DLG2: variants seen among roughly 807,000 people sequenced by gnomAD.
The protein encoded by DLG2 is discs large MAGUK scaffold protein 2.
In DLG2, 45 loss-of-function variants were observed where a neutral mutation model predicts 132.5. The ratio of observed to expected loss-of-function variants is 0.34; its 90% CI spans 0.27 to 0.44. DLG2 has a LOEUF of 0.44. Ranked by LOEUF, DLG2 falls within the 20% of genes least tolerant of loss-of-function variation. The pLI is 1.00. For missense variants in DLG2, 1,045 were observed against 1,196.9 expected (o/e 0.87, Z 1.87); for synonymous variants, 424 against 419.6 (o/e 1.01, Z -0.13).
intron 9 of DLG2, among the ~76,000 whole-genome samples, chr11:84,106,178 T>A (rs138832040): frequency 2.0e-3 from 304 of 152,290 alleles, no homozygotes; most frequent in African/African-American, 5.6e-3. Context: ...TGTCCCTTGA[T>A]AGAAAGGTCT....
At chr11:84,747,276 T>C (rs943092686) in intron 6 of DLG2, among the ~76,000 whole-genome samples, 21 of 152,218 alleles carry the variant, frequency 1.4e-4, no homozygotes, top group Admixed American at 3.3e-4. Flanking sequence ...ACTAGAAATA[T>C]TGGCATAACT....
At chr11:83,520,508 T>A (rs1432046994) in intron 21 of DLG2, among the ~76,000 whole-genome samples, 3 of 152,116 alleles carry the variant, frequency 2.0e-5, no homozygotes, top group African/African-American at 7.2e-5. Context: ...TGCTTTCACA[T>A]TAGGTGGCAG....
At chr11:84,764,480 T>C (rs537734903) in intron 6 of DLG2, among the ~76,000 whole-genome samples, 25 of 152,256 alleles carry the variant, frequency 1.6e-4, no homozygotes, top group South Asian at 6.2e-4. Flanking sequence ...AGCACTGTTC[T>C]AAGCACTTTA....
At chr11:84,268,846 G>T (rs749758997) in intron 7 of DLG2, among the ~76,000 whole-genome samples, 6 of 152,096 alleles carry the variant, frequency 3.9e-5, no homozygotes, top group Non-Finnish European at 7.4e-5. Flanking sequence ...CATGTAAAAT[G>T]CTTGGAACAG....
intron 3 of DLG2, chr11:85,452,613 CT>C: frequency 4.9e-6 from 1 of 202,074 alleles, no homozygotes; most frequent in Non-Finnish European, 1.1e-5. Flanking sequence ...ATCAGGCCAT[CT>C]TGGGAGGATG....
chr11:85,139,481 T>G (rs960707777), intron 5 of DLG2, among the ~76,000 whole-genome samples: 3 of 152,112 alleles, frequency 2.0e-5, no homozygotes, highest in Non-Finnish European at 4.4e-5. Flanking sequence ...TTTTTTGGAT[T>G]CAAAATTAAT....
At chr11:85,086,797 A>G (rs546380770) in intron 6 of DLG2, among the ~76,000 whole-genome samples, 1 of 152,360 alleles carries the variant, frequency 6.6e-6, no homozygotes, top group East Asian at 1.9e-4. Context: ...TGACTACGGC[A>G]TATCAATCAT....
chr11:83,930,331 G>A lies in DLG2; in HGVS notation c.1493C>T (p.Thr498Ile), dbSNP rs1452269995. Reference sequence around the variant, plus strand: ...AGTGAGGAAGCGCATGCAGTACCTGGTCATCTCAGAGTCAGGTAGCAGGCC... The same window carrying A: ...AGTGAGGAAGCGCATGCAGTACCTGATCATCTCAGAGTCAGGTAGCAGGCC... ...HLGLLPDSEM[T>I]SHSQHSTATR... Residue 498 changes from threonine to isoleucine, a missense_variant, in exon 15 of 28, where the codon ACC (threonine) becomes ATC (isoleucine). By Grantham distance (89) the Thr-to-Ile change is moderately conservative (BLOSUM62 -1). Coordinates refer to ENST00000376104, the MANE Select transcript of DLG2 (RefSeq NM_001142699.3). 5 of 1,613,734 alleles carry A rather than the reference G, an allele frequency of 3.1e-6. No homozygotes were observed. The East Asian group carries it at 8.9e-5, about 29-fold the overall frequency.
At chr11:83,473,213 C>A (rs9787813) in intron 22 of DLG2, among the ~76,000 whole-genome samples, 29,040 of 152,072 alleles carry the variant, frequency 0.19, 2,946 homozygotes, top group Middle Eastern at 0.21. Flanking sequence ...TGTTCAAAAG[C>A]AAGTATATGC....
At chr11:83,737,799 A>G (rs1477243475) in intron 18 of DLG2, among the ~76,000 whole-genome samples, 1 of 152,222 alleles carries the variant, frequency 6.6e-6, no homozygotes, top group Admixed American at 6.5e-5. Context: ...TAAAAATAGA[A>G]AAAATTAGCT....
chr11:85,234,316 A>G (rs150762737), intron 4 of DLG2, among the ~76,000 whole-genome samples: 23 of 152,114 alleles, frequency 1.5e-4, no homozygotes, highest in African/African-American at 4.8e-4. Flanking sequence ...CCAAATAACC[A>G]CAAAACATAA....
At chr11:84,316,558 A>G (rs2098358191) in intron 7 of DLG2, among the ~76,000 whole-genome samples, 1 of 152,206 alleles carries the variant, frequency 6.6e-6, no homozygotes, top group African/African-American at 2.4e-5. Context: ...CTAAAAGACT[A>G]TGATAAAAAA....
At chr11:84,569,870 C>T (rs2154527559) in intron 6 of DLG2, among the ~76,000 whole-genome samples, 1 of 152,286 alleles carries the variant, frequency 6.6e-6, no homozygotes, top group South Asian at 2.1e-4. Context: ...GACACCTGGG[C>T]TTTGCTGTGA....
chr11:84,349,368 A>G (rs768069382), intron 7 of DLG2, among the ~76,000 whole-genome samples: 2 of 152,130 alleles, frequency 1.3e-5, no homozygotes, highest in Non-Finnish European at 2.9e-5. Context: ...TAGTAACCAG[A>G]TGAAGTTCTG....
intron 19 of DLG2, among the ~76,000 whole-genome samples, chr11:83,604,100 G>A (rs971816874): frequency 9.2e-5 from 14 of 152,268 alleles, no homozygotes; most frequent in African/African-American, 3.1e-4. Flanking sequence ...CTTGCAGAAA[G>A]TGCTGAAAAG....
intron 16 of DLG2, among the ~76,000 whole-genome samples, chr11:83,867,655 G>GTTC (rs1170049773): frequency 8.5e-5 from 13 of 152,174 alleles, no homozygotes; most frequent in African/African-American, 3.1e-4. Flanking sequence ...TTCCACGTTT[G>GTTC]GAAACTTCTG....
chr11:84,543,407 C>T (rs2099382931), intron 6 of DLG2, among the ~76,000 whole-genome samples: 1 of 152,160 alleles, frequency 6.6e-6, no homozygotes, highest in Non-Finnish European at 1.5e-5. Context: ...CTGCTCCCTG[C>T]TTCATAGGCT....
chr11:84,804,767 C>T (rs968653271), intron 6 of DLG2, among the ~76,000 whole-genome samples: 10 of 152,134 alleles, frequency 6.6e-5, no homozygotes, highest in Non-Finnish European at 1.5e-4. Flanking sequence ...GACCCTAACC[C>T]CACCCAAAAA....
At chr11:84,599,582 G>T (rs548901028) in intron 6 of DLG2, among the ~76,000 whole-genome samples, 43 of 152,272 alleles carry the variant, frequency 2.8e-4, no homozygotes, top group African/African-American at 1.0e-3. Context: ...CATGAAGAAG[G>T]AAATAGGATG....
Sources: gnomAD v4.1 joint callset for allele counts (sites outside exome capture counted in the v4.1 genomes callset) on GRCh38, gnomAD v4.1.1 for gene constraint, MANE v1.5 for transcripts, NCBI Gene and HGNC (gene_info 2026-07-23, HGNC 2026-07-21) for gene names.